Variants in CCDC169 observed in about 807,000 individuals in gnomAD.
CCDC169 encodes the protein coiled-coil domain containing 169.
Under a neutral mutation model 36.0 loss-of-function variants are expected in CCDC169, and 30 were observed. The ratio of observed to expected loss-of-function variants is 0.83; its 90% CI spans 0.62 to 1.13. The LOEUF (loss-of-function observed/expected upper bound fraction) is 1.13, where lower values mean the gene tolerates loss of function less well. Ranked by LOEUF, CCDC169 falls within the 50% of genes most tolerant of loss-of-function variation. The pLI is 0.00. For missense variants in CCDC169, 245 were observed against 245.9 expected, an observed-to-expected ratio of 1.00 and a Z score of 0.03; for synonymous variants, 85 against 81.5, an observed-to-expected ratio of 1.04 and a Z score of -0.23.
chr13:36,288,294 G>A (rs975541623), intron 2 of CCDC169, among the ~76,000 whole-genome samples: 12 of 152,126 alleles, frequency 7.9e-5, no homozygotes, highest in Admixed American at 5.9e-4. Context: ...GATTACAGGC[G>A]TGAGCCACCG....
At chr13:36,239,905 G>A (rs1871565182) in intron 7 of CCDC169, among the ~76,000 whole-genome samples, 2 of 152,174 alleles carry the variant, frequency 1.3e-5, no homozygotes, top group Admixed American at 1.3e-4. Context: ...TTTTGAGAGA[G>A]AGAGAGACAC....
chr13:36,264,031 C>G (rs1226383023), intron 4 of CCDC169, among the ~76,000 whole-genome samples: 1 of 152,014 alleles, frequency 6.6e-6, no homozygotes, highest in Admixed American at 6.6e-5. Flanking sequence ...TGAATCCAAC[C>G]CTTTTTAGTA....
intron 4 of CCDC169, among the ~76,000 whole-genome samples, chr13:36,269,089 G>A (rs934893607): frequency 6.7e-6 from 1 of 150,206 alleles, no homozygotes; most frequent in Non-Finnish European, 1.5e-5. Context: ...GGGTGAGAGA[G>A]CAAGACTCCA....
intron 7 of CCDC169, chr13:36,240,512 G>T: frequency 1.5e-6 from 1 of 676,542 alleles, no homozygotes; most frequent in Non-Finnish European, 2.1e-6. Context: ...CTCTACTGTA[G>T]CTGCTTTTTA....
At chr13:36,278,034 T>C (rs371028680) in intron 4 of CCDC169, among the ~76,000 whole-genome samples, 1 of 152,164 alleles carries the variant, frequency 6.6e-6, no homozygotes, top group East Asian at 1.9e-4. Flanking sequence ...TCACAACTTA[T>C]ATAACAGCAC....
intron 6 of CCDC169, among the ~76,000 whole-genome samples, chr13:36,248,902 TA>T (rs34674995): frequency 2.0e-5 from 3 of 150,322 alleles, no homozygotes; most frequent in Admixed American, 6.6e-5. Flanking sequence ...CCATGTGACT[TA>T]AAAAAAAAAT....
intron 6 of CCDC169, among the ~76,000 whole-genome samples, chr13:36,253,074 T>C (rs1873367288): frequency 6.6e-6 from 1 of 152,196 alleles, no homozygotes; most frequent in East Asian, 1.9e-4. Context: ...AATGGATAGC[T>C]TGAAAATAGA....
intron 2 of CCDC169, among the ~76,000 whole-genome samples, chr13:36,285,678 G>A (rs1375141327): frequency 1.3e-5 from 2 of 151,830 alleles, no homozygotes; most frequent in Non-Finnish European, 2.9e-5. Context: ...TTAGTATACA[G>A]TCGTAACCAA....
intron 4 of CCDC169, among the ~76,000 whole-genome samples, chr13:36,276,445 T>A (rs942264075): frequency 1.3e-5 from 2 of 152,216 alleles, no homozygotes; most frequent in African/African-American, 4.8e-5. Flanking sequence ...ATCAAGAGTC[T>A]TCCAGAGAAT....
At chr13:36,227,554 A>C (rs2138364075), downstream of CCDC169, among the ~76,000 whole-genome samples, 1 of 152,276 alleles carries the variant, frequency 6.6e-6, no homozygotes, top group South Asian at 2.1e-4. Flanking sequence ...GTGATGATGC[A>C]CTTTTGTATT....
chr13:36,290,102 TATCTC>T (rs773927933), intron 2 of CCDC169, among the ~76,000 whole-genome samples: 126 of 152,258 alleles, frequency 8.3e-4, no homozygotes, highest in Middle Eastern at 3.4e-3. Flanking sequence ...TGGGTACACA[TATCTC>T]ATCTAAAGAA....
intron 4 of CCDC169, among the ~76,000 whole-genome samples, chr13:36,272,091 A>G (rs1344436359): frequency 1.5e-5 from 2 of 135,934 alleles, no homozygotes; most frequent in African/African-American, 5.2e-5. Flanking sequence ...TCTCAAAAAA[A>G]AAAAAAACTA....
chr13:36,258,907 A>G (rs996273289), intron 4 of CCDC169, among the ~76,000 whole-genome samples: 1 of 152,156 alleles, frequency 6.6e-6, no homozygotes, highest in Admixed American at 6.5e-5. Flanking sequence ...TTCCATTAAC[A>G]GTTTCTCCAG....
chr13:36,249,047 G>C (rs1001256598), intron 6 of CCDC169, among the ~76,000 whole-genome samples: 2 of 152,188 alleles, frequency 1.3e-5, no homozygotes, highest in Admixed American at 1.3e-4. Flanking sequence ...GTAGTATTTT[G>C]AGGCAGAAAT....
At position 36,231,242 on chromosome 13, in the gene CCDC169, G is replaced by T. The variant is rs368648363; in HGVS notation, c.596C>A (p.Pro199Gln). The T allele has an allele frequency of 1.3e-6, 2 of 1,551,140 alleles. No homozygotes were observed. The highest frequency in any genetic ancestry group is 1.7e-6 in the Non-Finnish European group (2 of 1,146,806). The change falls in exon 8 of 8, where the codon CCA becomes CAA. Residue 199 changes from proline (P) to glutamine (Q), a missense_variant. Coordinates refer to ENST00000239859, the MANE Select transcript of CCDC169 (RefSeq NM_001144981.3). The part of the protein sequence containing the change: ...KQKTVSAKRG[P>Q]VKKITRPNHL... Reference sequence around the variant, plus strand: ...GTTTGGTCTTGTAATCTTTTTTACTGGTCCTCTCTTGGCACTCACTGTCTT... The same window carrying T: ...GTTTGGTCTTGTAATCTTTTTTACTTGTCCTCTCTTGGCACTCACTGTCTT...
chr13:36,290,844 T>C (rs1015672269), intron 2 of CCDC169, among the ~76,000 whole-genome samples: 1 of 152,016 alleles, frequency 6.6e-6, no homozygotes, highest in African/African-American at 2.4e-5. Flanking sequence ...TGACTCTAAG[T>C]TCCTTGGCAA....
At chr13:36,229,164 A>G (rs1305578335), downstream of CCDC169, among the ~76,000 whole-genome samples, 1 of 152,214 alleles carries the variant, frequency 6.6e-6, no homozygotes, top group Non-Finnish European at 1.5e-5. Context: ...CTGCACAGCA[A>G]TCTCAAGGCA....
intron 4 of CCDC169, among the ~76,000 whole-genome samples, chr13:36,255,479 C>T (rs2138485518): frequency 6.6e-6 from 1 of 152,222 alleles, no homozygotes; most frequent in East Asian, 1.9e-4. Context: ...GCCTGGCCAA[C>T]ATGGCGAACC....
chr13:36,228,710 C>T (rs1870109374), downstream of CCDC169, among the ~76,000 whole-genome samples: 1 of 152,240 alleles, frequency 6.6e-6, no homozygotes, highest in East Asian at 1.9e-4. Context: ...GTCACCACAA[C>T]TGGTTAATTT....
Sources: allele counts gnomAD v4.1 joint callset (sites outside exome capture counted in the v4.1 genomes callset), GRCh38; gene constraint gnomAD v4.1.1; transcripts MANE v1.5; gene names NCBI Gene and HGNC (gene_info 2026-07-23, HGNC 2026-07-21).